The following ME1 variants were observed in gnomAD, a reference collection of about 807,000 sequenced individuals.
ME1 encodes malic enzyme 1.
A neutral mutation model predicts 66.4 loss-of-function variants in ME1; 74 were observed. The observed-to-expected ratio is 1.11, with a 90% CI of 0.92 to 1.35. The LOEUF (loss-of-function observed/expected upper bound fraction) is 1.35, where lower values mean the gene tolerates loss of function less well. Ranked by LOEUF, ME1 falls within the 40% of genes most tolerant of loss-of-function variation. The pLI is 0.00. For synonymous variants in ME1, 251 were observed against 235.6 expected, an observed-to-expected ratio of 1.07 and a Z score of -0.60; for missense variants, 750 against 694.1, an observed-to-expected ratio of 1.08 and a Z score of -0.90.
intron 3 of ME1, among the ~76,000 whole-genome samples, chr6:83,390,816 C>T (rs1401205710): frequency 2.6e-5 from 4 of 151,904 alleles, no homozygotes; most frequent in Non-Finnish European, 4.4e-5. Flanking sequence ...GCTTTCCTAC[C>T]TCTACCCTCT....
chr6:83,338,029 T>C (rs936681492), intron 5 of ME1, among the ~76,000 whole-genome samples: 2 of 19,622 alleles, frequency 1.0e-4, no homozygotes, highest in African/African-American at 5.4e-4. Flanking sequence ...AGTCAAATTG[T>C]CCCTGTTTGC....
At chr6:83,425,280 G>T (rs11968465) in intron 1 of ME1, among the ~76,000 whole-genome samples, 4,558 of 152,138 alleles carry the variant, frequency 0.03, 217 homozygotes, top group African/African-American at 0.11. Flanking sequence ...TGGCATTACA[G>T]GTGTGAGCCA....
chr6:83,292,143 C>A lies in ME1; in HGVS notation c.704+23167G>T, dbSNP rs1347434551. 3.3e-5 allele frequency among the ~76,000 whole-genome samples: 5 copies of A among 152,138 alleles called. No individual in the cohort carries two copies. In the East Asian group the frequency reaches 9.7e-4, roughly 29 times the overall value. On this transcript the variant is annotated intron_variant, in intron 6 of 13. Transcript: ENST00000369705. ...TCTGTCAATTCATCAAATTCATTCT[C>A]CATCCAGTTTTGTTCCCTCACTGGA...
chr6:83,347,966 C>T (rs1485560803), intron 4 of ME1, among the ~76,000 whole-genome samples: 2 of 152,086 alleles, frequency 1.3e-5, no homozygotes, highest in Non-Finnish European at 2.9e-5. Context: ...TTCACCATAC[C>T]ACATTGCAGA....
intron 3 of ME1, among the ~76,000 whole-genome samples, chr6:83,383,290 C>T (rs563737977): frequency 1.3e-5 from 2 of 152,026 alleles, no homozygotes; most frequent in African/African-American, 4.8e-5. Context: ...GATTGTTTTA[C>T]ATTATAAAAT....
chr6:83,429,385 A>C (rs1181949733), intron 1 of ME1, among the ~76,000 whole-genome samples: 1 of 152,212 alleles, frequency 6.6e-6, no homozygotes. Context: ...CCCCAACTTG[A>C]GGAAAATCAA....
intron 5 of ME1, among the ~76,000 whole-genome samples, chr6:83,317,681 G>C (rs1358069944): frequency 6.6e-6 from 1 of 152,066 alleles, no homozygotes; most frequent in Non-Finnish European, 1.5e-5. Context: ...AATTGCCCTT[G>C]CTCATGGGTA....
intron 1 of ME1, among the ~76,000 whole-genome samples, chr6:83,421,030 G>T (rs1051984479): frequency 6.6e-6 from 1 of 151,944 alleles, no homozygotes; most frequent in Admixed American, 6.6e-5. Context: ...AGGGAGGGGG[G>T]GCCCAAAGCC....
chr6:83,367,732 G>A (rs1769126083), intron 3 of ME1, among the ~76,000 whole-genome samples: 1 of 152,206 alleles, frequency 6.6e-6, no homozygotes, highest in Admixed American at 6.5e-5. Flanking sequence ...TTGGCTTAAA[G>A]GGAATGTTGT....
intron 5 of ME1, among the ~76,000 whole-genome samples, chr6:83,344,856 T>C (rs1768658261): frequency 6.6e-6 from 1 of 151,776 alleles, no homozygotes; most frequent in Non-Finnish European, 1.5e-5. Context: ...TACTCCAGCC[T>C]GGGTGACAGC....
At chr6:83,277,901 A>AAATAATAATAATAACAAT (rs1554264916) in intron 6 of ME1, among the ~76,000 whole-genome samples, 7,344 of 144,078 alleles carry the variant, frequency 0.051, 336 homozygotes, top group African/African-American at 0.11. Context: ...CTGTATCTCA[A>AAATAATAATAATAACAAT]AATAATAATA....
At chr6:83,321,174 C>T (rs943814477) in intron 5 of ME1, among the ~76,000 whole-genome samples, 3 of 152,196 alleles carry the variant, frequency 2.0e-5, no homozygotes, top group Non-Finnish European at 2.9e-5. Context: ...CCAGGAGATT[C>T]CCTTGGGTGC....
intron 6 of ME1, among the ~76,000 whole-genome samples, chr6:83,272,099 T>C (rs548849938): frequency 6.6e-6 from 1 of 152,312 alleles, no homozygotes; most frequent in Non-Finnish European, 1.5e-5. Flanking sequence ...ATAGTCACCC[T>C]GTTTTGCTGT....
chr6:83,386,328 G>T (rs1157635426), intron 3 of ME1, among the ~76,000 whole-genome samples: 2 of 152,014 alleles, frequency 1.3e-5, no homozygotes, highest in East Asian at 3.9e-4. Flanking sequence ...AAAGTCACAT[G>T]CTAAACCAGA....
chr6:83,267,126 G>A (rs1029990048), intron 6 of ME1, among the ~76,000 whole-genome samples: 9 of 152,018 alleles, frequency 5.9e-5, no homozygotes, highest in African/African-American at 1.9e-4. Flanking sequence ...AGGGATGTGT[G>A]GAAGCTCAAT....
In ME1 at chr6:83,253,718, A is replaced by G. The variant is rs765225211; in HGVS notation, c.725T>C (p.Ile242Thr). Residue 242 changes from isoleucine to threonine, a missense_variant, in exon 7 of 14, where the codon ATT (isoleucine) becomes ACT (threonine). Ile to Thr is a moderately conservative substitution (Grantham distance 89). Coordinates refer to ENST00000369705, the MANE Select transcript of ME1 (RefSeq NM_002395.6). Reference protein sequence around the residue: ...VSSKYGMNCLIQFEDFANVNA... With the variant: ...VSSKYGMNCLTQFEDFANVNA... ...CACATTGGCAAAATCTTCAAACTGAATAAGGCAATTCATGCCATACCTATG... is the reference window on the plus strand; with the variant it reads ...CACATTGGCAAAATCTTCAAACTGAGTAAGGCAATTCATGCCATACCTATG... The G allele has an allele frequency of 3.1e-6, 5 of 1,604,348 alleles. No homozygotes were observed. Among genetic ancestry groups the G allele is most frequent in the Non-Finnish European group, 3.4e-6 (4 of 1,171,808 alleles).
At chr6:83,224,939 C>T (rs954324951) in intron 11 of ME1, among the ~76,000 whole-genome samples, 2 of 150,972 alleles carry the variant, frequency 1.3e-5, no homozygotes, top group Admixed American at 1.3e-4. Context: ...CGGTGGCTCA[C>T]GCCTGTAATC....
At chr6:83,401,509 T>C (rs1769840125) in intron 2 of ME1, among the ~76,000 whole-genome samples, 1 of 151,876 alleles carries the variant, frequency 6.6e-6, no homozygotes, top group East Asian at 1.9e-4. Flanking sequence ...GCTGATAAAA[T>C]GGCCCAGGAA....
intron 3 of ME1, among the ~76,000 whole-genome samples, chr6:83,381,177 C>T (rs984873274): frequency 1.3e-5 from 2 of 151,906 alleles, no homozygotes; most frequent in African/African-American, 4.8e-5. Context: ...TAGCACTCCA[C>T]CCCCACATTA....
Sources: gnomAD v4.1 joint callset for allele counts (sites outside exome capture counted in the v4.1 genomes callset) on GRCh38, gnomAD v4.1.1 for gene constraint, MANE v1.5 for transcripts, NCBI Gene and HGNC (gene_info 2026-07-23, HGNC 2026-07-21) for gene names.